Variants in ARHGEF28 observed in about 807,000 individuals in gnomAD.
ARHGEF28 encodes the protein Rho guanine nucleotide exchange factor 28.
Under a neutral mutation model 206.6 loss-of-function variants are expected in ARHGEF28, and 152 were observed. The observed-to-expected ratio is 0.74, with a 90% CI of 0.64 to 0.84. The LOEUF (loss-of-function observed/expected upper bound fraction) is 0.84. Ranked by LOEUF, ARHGEF28 falls within the 40% of genes least tolerant of loss-of-function variation. The pLI is 0.00. For missense variants in ARHGEF28, 2,028 were observed against 2,073.2 expected, an observed-to-expected ratio of 0.98 and a Z score of 0.42; for synonymous variants, 763 against 776.4, an observed-to-expected ratio of 0.98 and a Z score of 0.29.
chr5:73,879,027 C>G (rs919239065), intron 22 of ARHGEF28, among the ~76,000 whole-genome samples: 1 of 152,158 alleles, frequency 6.6e-6, no homozygotes, highest in African/African-American at 2.4e-5. Flanking sequence ...TGTTTTCCAA[C>G]TTGGTTCCAT....
chr5:73,916,866 G>A (rs934208647), intron 35 of ARHGEF28, among the ~76,000 whole-genome samples: 7 of 151,878 alleles, frequency 4.6e-5, no homozygotes, highest in Non-Finnish European at 1.0e-4. Context: ...TTTTTGACTT[G>A]GTAAGGGAAG....
intron 1 of ARHGEF28, among the ~76,000 whole-genome samples, chr5:73,676,909 G>A (rs1256873441): frequency 6.6e-6 from 1 of 152,108 alleles, no homozygotes; most frequent in Non-Finnish European, 1.5e-5. Flanking sequence ...AATTCTCATC[G>A]AACGATAGCT....
chr5:73,790,536 G>T (rs1327223986), intron 7 of ARHGEF28, among the ~76,000 whole-genome samples: 2 of 152,100 alleles, frequency 1.3e-5, no homozygotes, highest in African/African-American at 4.8e-5. Flanking sequence ...AGTGGAGCTT[G>T]TTGAATTGAG....
intron 2 of ARHGEF28, among the ~76,000 whole-genome samples, chr5:73,745,641 C>T (rs766037109): frequency 6.6e-6 from 1 of 152,038 alleles, no homozygotes; most frequent in Non-Finnish European, 1.5e-5. Context: ...AGCTTTTCTG[C>T]TCTACATTTG....
intron 7 of ARHGEF28, among the ~76,000 whole-genome samples, chr5:73,781,734 A>G (rs1283598463): frequency 6.6e-6 from 1 of 152,210 alleles, no homozygotes; most frequent in African/African-American, 2.4e-5. Context: ...GGTTTTATGC[A>G]TTGAAATACA....
intron 4 of ARHGEF28, among the ~76,000 whole-genome samples, chr5:73,765,369 T>C (rs1752836689): frequency 6.6e-6 from 1 of 152,236 alleles, no homozygotes; most frequent in South Asian, 2.1e-4. Flanking sequence ...CTAGGCCATA[T>C]GCAGTATGAT....
At chr5:73,921,980 C>T (rs1419226383) in intron 35 of ARHGEF28, among the ~76,000 whole-genome samples, 1 of 152,200 alleles carries the variant, frequency 6.6e-6, no homozygotes, top group African/African-American at 2.4e-5. Flanking sequence ...CTAAGAGTCT[C>T]ATAAATCCAC....
chr5:73,862,564 C>G (rs1759460928), intron 16 of ARHGEF28, among the ~76,000 whole-genome samples: 1 of 152,042 alleles, frequency 6.6e-6, no homozygotes, highest in African/African-American at 2.4e-5. Context: ...TTTGTCTTCT[C>G]CAGGGATTTG....
At chr5:73,703,631 T>G (rs1016797376) in intron 2 of ARHGEF28, among the ~76,000 whole-genome samples, 1 of 149,880 alleles carries the variant, frequency 6.7e-6, no homozygotes, top group Non-Finnish European at 1.5e-5. Flanking sequence ...AAATTTCTAC[T>G]TATCCTTTCC....
chr5:73,747,506 C>A (rs1353146892), intron 2 of ARHGEF28, among the ~76,000 whole-genome samples: 1 of 152,160 alleles, frequency 6.6e-6, no homozygotes, highest in East Asian at 1.9e-4. Context: ...CTTTATCTGC[C>A]TTTTCTGAAT....
chr5:73,671,721 TATATATATATATATA>T (rs1746344612), intron 1 of ARHGEF28, among the ~76,000 whole-genome samples: 1 of 10,720 alleles, frequency 9.3e-5, no homozygotes. Context: ...TATATATATA[TATATATATATATATA>T]TATTTTTTTT....
At chr5:73,933,702 C>T (rs891000539) in intron 35 of ARHGEF28, among the ~76,000 whole-genome samples, 1 of 152,138 alleles carries the variant, frequency 6.6e-6, no homozygotes, top group Non-Finnish European at 1.5e-5. Context: ...TAATTCAGTG[C>T]CTTTTCTCTC....
intron 28 of ARHGEF28, among the ~76,000 whole-genome samples, chr5:73,893,843 G>C (rs1419435184): frequency 6.6e-6 from 1 of 152,204 alleles, no homozygotes; most frequent in Non-Finnish European, 1.5e-5. Context: ...GAAGCACAGA[G>C]GGGACTGAGA....
intron 1 of ARHGEF28, among the ~76,000 whole-genome samples, chr5:73,673,354 C>T (rs1024243906): frequency 3.3e-5 from 5 of 152,178 alleles, no homozygotes; most frequent in Non-Finnish European, 7.3e-5. Flanking sequence ...ACTAACATGG[C>T]AAATAGAATT....
chr5:73,843,554 C>T (rs1456102065), intron 11 of ARHGEF28, among the ~76,000 whole-genome samples: 1 of 152,084 alleles, frequency 6.6e-6, no homozygotes, highest in Non-Finnish European at 1.5e-5. Flanking sequence ...GATAATAGCC[C>T]TAGAGGCTGG....
intron 14 of ARHGEF28, 92 bp downstream of exon 14, chr5:73,852,784 A>T (rs970365139): frequency 7.4e-7 from 1 of 1,357,252 alleles, no homozygotes; most frequent in Non-Finnish European, 1.1e-6. Context: ...TCACTAGTTC[A>T]TGAGAGGTTT....
chr5:73,857,488 G>A (rs1205118573), intron 14 of ARHGEF28, among the ~76,000 whole-genome samples, 168 bp from the exon 15 acceptor site: 2 of 151,268 alleles, frequency 1.3e-5, no homozygotes, highest in African/African-American at 2.4e-5. Flanking sequence ...GCTATAGGGT[G>A]TATTTTTAAT....
At chr5:73,729,670 C>A (rs1483682951) in intron 2 of ARHGEF28, among the ~76,000 whole-genome samples, 2 of 152,088 alleles carry the variant, frequency 1.3e-5, no homozygotes, top group Non-Finnish European at 1.5e-5. Context: ...ACATTTCAGG[C>A]GGGCAGCTTC....
chr5:73,706,079 A>G (rs1748912483), intron 2 of ARHGEF28, among the ~76,000 whole-genome samples: 1 of 152,222 alleles, frequency 6.6e-6, no homozygotes, highest in African/African-American at 2.4e-5. Flanking sequence ...GAGCTGAGCC[A>G]GAGAAGGGGC....
Sources: allele counts gnomAD v4.1 joint callset (sites outside exome capture counted in the v4.1 genomes callset), GRCh38; gene constraint gnomAD v4.1.1; transcripts MANE v1.5; gene names NCBI Gene and HGNC (gene_info 2026-07-23, HGNC 2026-07-21).